The following CTNNA2 variants were observed in gnomAD, a reference collection of about 807,000 sequenced individuals.
CTNNA2 encodes catenin alpha-2.
In CTNNA2, 42 loss-of-function variants were observed where a neutral mutation model predicts 101.0. The ratio of observed to expected loss-of-function variants is 0.42; its 90% CI spans 0.32 to 0.54. The LOEUF is 0.54. Among genes scored for constraint, CTNNA2 ranks in the 20% least tolerant of loss-of-function variants. The pLI is 0.14. For synonymous variants in CTNNA2, 450 were observed against 456.4 expected, an observed-to-expected ratio of 0.99 and a Z score of 0.18; for missense variants, 871 against 1,223.1, an observed-to-expected ratio of 0.71 and a Z score of 4.29.
At chr2:79,484,165 C>T (rs1389865692) in intron 4 of CTNNA2, among the ~76,000 whole-genome samples, 1 of 152,060 alleles carries the variant, frequency 6.6e-6, no homozygotes, top group Non-Finnish European at 1.5e-5. Context: ...CACCTGAGCC[C>T]AGGAGATTGA....
intron 6 of CTNNA2, among the ~76,000 whole-genome samples, chr2:79,908,565 C>A (rs1685576709): frequency 6.6e-6 from 1 of 152,176 alleles, no homozygotes; most frequent in Admixed American, 6.5e-5. Context: ...TCAATGTCAC[C>A]TTTGCTTCTA....
intron 18 of CTNNA2, among the ~76,000 whole-genome samples, chr2:80,641,817 G>T (rs1388347684): frequency 6.6e-6 from 1 of 151,696 alleles, no homozygotes; most frequent in Admixed American, 6.6e-5. Context: ...TGATTTTAAA[G>T]GTCTTATTCT....
At chr2:80,595,147 A>G (rs1696843948) in intron 15 of CTNNA2, among the ~76,000 whole-genome samples, 1 of 152,064 alleles carries the variant, frequency 6.6e-6, no homozygotes, top group African/African-American at 2.4e-5. Context: ...ATGACTTTCC[A>G]TTTATTTTTG....
At chr2:80,074,539 A>G (rs1332565164) in intron 7 of CTNNA2, among the ~76,000 whole-genome samples, 1 of 152,068 alleles carries the variant, frequency 6.6e-6, no homozygotes, top group Non-Finnish European at 1.5e-5. Flanking sequence ...GTGGGGTGAA[A>G]TAGAGGGCTT....
chr2:79,241,656 A>G (rs1259515230), intron 2 of CTNNA2, among the ~76,000 whole-genome samples: 1 of 152,216 alleles, frequency 6.6e-6, no homozygotes, highest in African/African-American at 2.4e-5. Flanking sequence ...GTAGATTTTA[A>G]TCAAATATTT....
intron 7 of CTNNA2, among the ~76,000 whole-genome samples, chr2:80,223,529 C>G (rs530913050): frequency 6.6e-6 from 1 of 152,338 alleles, no homozygotes; most frequent in Non-Finnish European, 1.5e-5. Flanking sequence ...CTGCCTTGGC[C>G]TCCCAAAGTG....
At chr2:80,412,692 G>C (rs1038563988) in intron 8 of CTNNA2, among the ~76,000 whole-genome samples, 3 of 152,012 alleles carry the variant, frequency 2.0e-5, no homozygotes, top group African/African-American at 4.8e-5. Flanking sequence ...TCACTGGTCT[G>C]AGGCGGTCAT....
intron 2 of CTNNA2, among the ~76,000 whole-genome samples, chr2:79,236,290 T>C (rs1184377313): frequency 1.3e-5 from 2 of 152,166 alleles, no homozygotes; most frequent in Non-Finnish European, 2.9e-5. Context: ...TGTGCCACCA[T>C]GTTTGACTAT....
At chr2:80,206,993 G>A (rs1707573861) in intron 7 of CTNNA2, among the ~76,000 whole-genome samples, 1 of 152,092 alleles carries the variant, frequency 6.6e-6, no homozygotes. Context: ...TCTAGGGTGG[G>A]CATCTCAATA....
chr2:79,396,285 A>C (rs1678229523), intron 4 of CTNNA2, among the ~76,000 whole-genome samples: 1 of 151,934 alleles, frequency 6.6e-6, no homozygotes. Context: ...CAGCCTCCTG[A>C]GTAGCTGGGA....
At chr2:79,930,290 GAAAGAGAA>G (rs1294112705) in intron 7 of CTNNA2, among the ~76,000 whole-genome samples, 30 of 70,836 alleles carry the variant, frequency 4.2e-4, no homozygotes, top group African/African-American at 1.3e-3. Flanking sequence ...GAGAGAGAGA[GAAAGAGAA>G]AGAAAGAAAG....
chr2:80,188,752 C>T (rs1350912287), intron 7 of CTNNA2, among the ~76,000 whole-genome samples: 1 of 152,046 alleles, frequency 6.6e-6, no homozygotes, highest in Non-Finnish European at 1.5e-5. Context: ...TACATTGGGA[C>T]CACTTGGATA....
At chr2:79,539,370 G>A (rs1340377615) in intron 1 of CTNNA2, among the ~76,000 whole-genome samples, 3 of 152,202 alleles carry the variant, frequency 2.0e-5, no homozygotes, top group African/African-American at 7.2e-5. Context: ...TGGAAATGCT[G>A]GAGGTGATAG....
At chr2:80,331,680 T>C (rs1671344923) in intron 7 of CTNNA2, among the ~76,000 whole-genome samples, 1 of 152,048 alleles carries the variant, frequency 6.6e-6, no homozygotes. Context: ...ACCAACTACT[T>C]TTCGCTAGCA....
chr2:80,364,044 C>G (rs900523721), intron 7 of CTNNA2, among the ~76,000 whole-genome samples: 27 of 152,070 alleles, frequency 1.8e-4, no homozygotes, highest in African/African-American at 5.6e-4. Context: ...TAAATATTCT[C>G]TAACATGTTT....
intron 9 of CTNNA2, among the ~76,000 whole-genome samples, chr2:80,524,205 T>G (rs1689824507): frequency 6.6e-6 from 1 of 152,128 alleles, no homozygotes. Context: ...ATTTAGGTGA[T>G]CAGGGGAGAT....
intron 2 of CTNNA2, among the ~76,000 whole-genome samples, chr2:79,225,459 C>T (rs999499107): frequency 6.6e-6 from 1 of 152,126 alleles, no homozygotes; most frequent in African/African-American, 2.4e-5. Flanking sequence ...AGTGTTTACT[C>T]TCATCTGTAG....
intron 7 of CTNNA2, among the ~76,000 whole-genome samples, chr2:80,039,755 A>G (rs374387591): frequency 2.0e-5 from 3 of 152,228 alleles, no homozygotes; most frequent in African/African-American, 7.2e-5. Flanking sequence ...TTTCCTATGC[A>G]TTATGATTTG....
intron 7 of CTNNA2, among the ~76,000 whole-genome samples, chr2:79,913,248 A>G (rs982659624): frequency 6.6e-6 from 1 of 152,196 alleles, no homozygotes; most frequent in Non-Finnish European, 1.5e-5. Context: ...TGAAAGGATG[A>G]CATTAGATCA....
Sources: allele counts gnomAD v4.1 joint callset (sites outside exome capture counted in the v4.1 genomes callset), GRCh38; gene constraint gnomAD v4.1.1; transcripts MANE v1.5; gene names NCBI Gene and HGNC (gene_info 2026-07-23, HGNC 2026-07-21).